The following TFEC variants were observed in gnomAD, a reference collection of about 807,000 sequenced individuals.
The protein encoded by TFEC is class E basic helix-loop-helix protein 34.
A neutral mutation model predicts 41.6 loss-of-function variants in TFEC; 31 were observed. That is an observed-to-expected ratio of 0.74 (90% CI 0.56 to 1.01). TFEC has a LOEUF of 1.01. TFEC is among the 50% of genes least tolerant of loss of function. The pLI is 0.00. For missense variants in TFEC, 402 were observed against 404.1 expected, an observed-to-expected ratio of 0.99 and a Z score of 0.04; for synonymous variants, 143 against 140.6, an observed-to-expected ratio of 1.02 and a Z score of -0.12.
chr7:116,034,782 A>T (rs1795872004), upstream of TFEC, among the ~76,000 whole-genome samples: 1 of 152,016 alleles, frequency 6.6e-6, no homozygotes, highest in South Asian at 2.1e-4. Context: ...ACTTTGTCAA[A>T]GCATTCCTCA....
chr7:115,978,308 A>G (rs949527540), intron 2 of TFEC, among the ~76,000 whole-genome samples: 8 of 152,344 alleles, frequency 5.3e-5, no homozygotes, highest in African/African-American at 1.7e-4. Context: ...CCAAGTGATC[A>G]TGAACACGTA....
chr7:115,961,177 C>T (rs117053866), intron 3 of TFEC, among the ~76,000 whole-genome samples: 225 of 151,662 alleles, frequency 1.5e-3, no homozygotes, highest in Non-Finnish European at 2.5e-3. Flanking sequence ...TATAGTTTCA[C>T]ATGAAGAAAT....
intron 1 of TFEC, among the ~76,000 whole-genome samples, chr7:116,024,191 C>G (rs570790013): frequency 2.0e-5 from 3 of 152,116 alleles, no homozygotes; most frequent in Non-Finnish European, 4.4e-5. Flanking sequence ...AGTCAAAGGC[C>G]TCATTATCCA....
At chr7:116,105,649 C>T (rs964911946) in intron 3 of TFEC, among the ~76,000 whole-genome samples, 32 of 151,752 alleles carry the variant, frequency 2.1e-4, no homozygotes, top group African/African-American at 7.5e-4. Context: ...GACTCAGCAG[C>T]GCAAGCCAGC....
chr7:115,995,784 T>G (rs906648818), intron 1 of TFEC, among the ~76,000 whole-genome samples: 1 of 151,744 alleles, frequency 6.6e-6, no homozygotes, highest in Non-Finnish European at 1.5e-5. Context: ...GGAGAAAGAG[T>G]GCAGCGACTG....
chr7:115,981,697 T>C (rs1031408585), intron 2 of TFEC, among the ~76,000 whole-genome samples: 7 of 152,204 alleles, frequency 4.6e-5, no homozygotes, highest in Non-Finnish European at 7.3e-5. Flanking sequence ...AGCGTTGCTA[T>C]GAAAACTCAG....
rs1377973497 is a variant in TFEC, at chr7:115,984,275, T to C, written c.167A>G (p.Asn56Ser). Residue 56 changes from asparagine to serine, a missense_variant, in exon 2 of 8, where the codon AAT (asparagine) becomes AGT (serine). Asn to Ser is a conservative substitution (Grantham distance 46). Coordinates refer to ENST00000265440, the MANE Select transcript of TFEC (RefSeq NM_012252.4). ...CATTAGACATACATGCCATTGTGCA[T>C]TGTCATCTTCTTTCCCAATAGCTAG... ...KLLAIGKEDD[N>S]AQWHMEDVIE... is the part of the protein sequence containing the mutation. 6.2e-7 allele frequency: 1 copy of C among 1,614,008 alleles called. No homozygotes were observed. Among genetic ancestry groups the C allele is most frequent in the African/African-American group, 1.3e-5 (1 of 75,040 alleles).
At chr7:116,123,616 T>C (rs897190763) in intron 1 of TFEC, among the ~76,000 whole-genome samples, 12 of 152,068 alleles carry the variant, frequency 7.9e-5, no homozygotes, top group African/African-American at 2.9e-4. Flanking sequence ...TTTGCAAACA[T>C]AATGACTGCC....
intron 6 of TFEC, among the ~76,000 whole-genome samples, chr7:115,944,013 ATTTTTTTTTTTTTT>A (rs1160114562): frequency 4.4e-5 from 1 of 22,830 alleles, no homozygotes; most frequent in African/African-American, 1.2e-4. Context: ...ACAGGTCTGA[ATTTTTTTTTTTTTT>A]TTTTTTTTTT....
intron 1 of TFEC, among the ~76,000 whole-genome samples, chr7:116,152,075 GAATT>G (rs34120407): frequency 0.025 from 3,732 of 152,106 alleles, 82 homozygotes; most frequent in East Asian, 0.11. Context: ...ATTAAACTTT[GAATT>G]AATAAAAAAG....
At chr7:115,993,110 T>C (rs1207324292) in intron 1 of TFEC, among the ~76,000 whole-genome samples, 1 of 152,166 alleles carries the variant, frequency 6.6e-6, no homozygotes, top group Non-Finnish European at 1.5e-5. Flanking sequence ...AAAAACCACA[T>C]GATTATCTCA....
At chr7:116,060,210 A>G (rs1330763538) in intron 3 of TFEC, among the ~76,000 whole-genome samples, 3 of 152,004 alleles carry the variant, frequency 2.0e-5, no homozygotes, top group African/African-American at 7.2e-5. Context: ...TACTAAAGTC[A>G]AAAAAATAAC....
chr7:115,963,699 A>T lies in TFEC; in HGVS notation c.268-6906T>A, dbSNP rs1434516188. Among the ~76,000 whole-genome samples, 5 of 151,740 alleles carry T rather than the reference A, an allele frequency of 3.3e-5. No homozygotes were observed. The Admixed American group carries it at 3.3e-4, about 10-fold the overall frequency. ...TTGTATTATTTTACTTATATGAGGT[A>T]CCTAGAATAGTGAAATTCATAGAGA... is the stretch of plus-strand genomic sequence containing the variant. On this transcript the variant is annotated intron_variant, in intron 3 of 7. Coordinates refer to ENST00000265440, the MANE Select transcript of TFEC (RefSeq NM_012252.4).
intron 2 of TFEC, among the ~76,000 whole-genome samples, chr7:115,983,690 A>G (rs1299362129): frequency 6.6e-6 from 1 of 152,188 alleles, no homozygotes; most frequent in Non-Finnish European, 1.5e-5. Context: ...CCATGAAGCT[A>G]AATACTCATT....
At chr7:116,150,831 G>A (rs970170039) in intron 1 of TFEC, among the ~76,000 whole-genome samples, 1 of 152,048 alleles carries the variant, frequency 6.6e-6, no homozygotes, top group Non-Finnish European at 1.5e-5. Flanking sequence ...ATGTGAGTGT[G>A]ACTCAAACCC....
chr7:116,113,682 C>T (rs554793866), intron 1 of TFEC, among the ~76,000 whole-genome samples: 6 of 151,920 alleles, frequency 3.9e-5, no homozygotes, highest in South Asian at 2.1e-4. Flanking sequence ...TCTTATAATG[C>T]GTTCACTGAT....
chr7:116,157,920 T>G (rs576143778), intron 1 of TFEC, among the ~76,000 whole-genome samples: 3 of 152,288 alleles, frequency 2.0e-5, no homozygotes, highest in South Asian at 2.1e-4. Context: ...GGCTTTGAAT[T>G]TGAAATGTGG....
chr7:116,085,259 T>C (rs940738039), intron 3 of TFEC, among the ~76,000 whole-genome samples: 17 of 151,876 alleles, frequency 1.1e-4, no homozygotes, highest in African/African-American at 3.9e-4. Context: ...TGTTTTAGAC[T>C]ATGAAAAGGA....
chr7:115,960,083 G>C (rs1467392274), intron 3 of TFEC, among the ~76,000 whole-genome samples: 1 of 151,028 alleles, frequency 6.6e-6, no homozygotes, highest in African/African-American at 2.4e-5. Flanking sequence ...GAAAAGACCT[G>C]CATTCAGATA....
Sources: gnomAD v4.1 joint callset for allele counts (sites outside exome capture counted in the v4.1 genomes callset) on GRCh38, gnomAD v4.1.1 for gene constraint, MANE v1.5 for transcripts, NCBI Gene and HGNC (gene_info 2026-07-23, HGNC 2026-07-21) for gene names.